Variants in FSIP1 observed in about 807,000 individuals in gnomAD.
The protein encoded by FSIP1 is fibrous sheath interacting protein 1.
In FSIP1, 65 loss-of-function variants were observed where a neutral mutation model predicts 60.9. The ratio of observed to expected loss-of-function variants is 1.07; its 90% CI spans 0.87 to 1.31. The LOEUF is 1.31. Among genes scored for constraint, FSIP1 ranks in the 40% most tolerant of loss-of-function variants. The pLI is 0.00. For synonymous variants in FSIP1, 209 were observed against 221.2 expected, an observed-to-expected ratio of 0.94 and a Z score of 0.49; for missense variants, 675 against 665.5, an observed-to-expected ratio of 1.01 and a Z score of -0.16.
chr15:39,746,108 T>TA (rs569934157), intron 5 of FSIP1, among the ~76,000 whole-genome samples: 2 of 151,774 alleles, frequency 1.3e-5, no homozygotes, highest in Admixed American at 6.6e-5. Context: ...AAATTAAAAA[T>TA]AAAAAAACAC....
At chr15:39,676,269 T>C (rs1252538121) in intron 10 of FSIP1, among the ~76,000 whole-genome samples, 1 of 152,046 alleles carries the variant, frequency 6.6e-6, no homozygotes, top group East Asian at 1.9e-4. Flanking sequence ...TGTATTATCC[T>C]GAAAAAGCAC....
intron 5 of FSIP1, among the ~76,000 whole-genome samples, chr15:39,754,247 C>T (rs962226257): frequency 2.6e-5 from 4 of 152,066 alleles, no homozygotes; most frequent in African/African-American, 9.7e-5. Flanking sequence ...GAAGCCGATT[C>T]TCCAACTCCA....
intron 11 of FSIP1, among the ~76,000 whole-genome samples, chr15:39,604,238 T>C (rs900502587): frequency 1.3e-5 from 2 of 152,236 alleles, no homozygotes; most frequent in African/African-American, 4.8e-5. Context: ...GCTGAGACTC[T>C]ACATTTCTAA....
chr15:39,703,605 C>T (rs1346100741), intron 10 of FSIP1, among the ~76,000 whole-genome samples: 1 of 152,090 alleles, frequency 6.6e-6, no homozygotes, highest in Non-Finnish European at 1.5e-5. Context: ...TCATCTCAAA[C>T]ATTAGGAGAA....
At chr15:39,704,745 C>T (rs1566893231) in intron 10 of FSIP1, among the ~76,000 whole-genome samples, 1 of 152,178 alleles carries the variant, frequency 6.6e-6, no homozygotes. Context: ...ATTCTCTAAG[C>T]AGAAGGAACA....
chr15:39,684,069 T>C (rs947426818), intron 10 of FSIP1, among the ~76,000 whole-genome samples: 1 of 152,208 alleles, frequency 6.6e-6, no homozygotes, highest in Non-Finnish European at 1.5e-5. Flanking sequence ...TGATTTTCTG[T>C]AGGTACAGAC....
intron 10 of FSIP1, among the ~76,000 whole-genome samples, chr15:39,685,448 A>G (rs1894327886): frequency 6.6e-6 from 1 of 152,194 alleles, no homozygotes; most frequent in South Asian, 2.1e-4. Flanking sequence ...CAACAAACAC[A>G]CATAGAAAGC....
At chr15:39,744,873 G>A (rs1376030253) in intron 5 of FSIP1, among the ~76,000 whole-genome samples, 1 of 151,614 alleles carries the variant, frequency 6.6e-6, no homozygotes, top group East Asian at 1.9e-4. Context: ...ATGCCCCTGT[G>A]AAGAAGACTG....
chr15:39,633,390 G>A (rs964748001), intron 10 of FSIP1, among the ~76,000 whole-genome samples: 9 of 151,964 alleles, frequency 5.9e-5, no homozygotes, highest in Admixed American at 5.9e-4. Context: ...ACTCGGCCTG[G>A]CTATACTTTT....
chr15:39,697,810 T>G (rs1894882089), intron 10 of FSIP1, among the ~76,000 whole-genome samples: 1 of 152,156 alleles, frequency 6.6e-6, no homozygotes, highest in Non-Finnish European at 1.5e-5. Context: ...TTATTTCAAT[T>G]TTCATTTCTT....
At chr15:39,671,947 C>T (rs4641712) in intron 10 of FSIP1, among the ~76,000 whole-genome samples, 1 of 152,150 alleles carries the variant, frequency 6.6e-6, no homozygotes, top group South Asian at 2.1e-4. Flanking sequence ...CCAAAGAGCA[C>T]AGAGAATCCA....
At chr15:39,724,540 C>T (rs915494585) in intron 9 of FSIP1, among the ~76,000 whole-genome samples, 2 of 152,212 alleles carry the variant, frequency 1.3e-5, no homozygotes, top group Non-Finnish European at 2.9e-5. Context: ...GCATAAGCCA[C>T]TGCGCCTGGC....
chr15:39,736,788 C>T (rs1461936411), intron 8 of FSIP1, among the ~76,000 whole-genome samples: 1 of 152,232 alleles, frequency 6.6e-6, no homozygotes, highest in East Asian at 1.9e-4. Flanking sequence ...CAGCCGAGGG[C>T]AAGGGCACAG....
At chr15:39,687,800 T>G (rs1237536984) in intron 10 of FSIP1, among the ~76,000 whole-genome samples, 2 of 152,212 alleles carry the variant, frequency 1.3e-5, no homozygotes, top group Non-Finnish European at 1.5e-5. Context: ...CTTCTCTAAC[T>G]GTGGAAAGAC....
intron 10 of FSIP1, among the ~76,000 whole-genome samples, chr15:39,673,212 T>A (rs191418384): frequency 6.6e-6 from 1 of 152,250 alleles, no homozygotes; most frequent in South Asian, 2.1e-4. Context: ...ATTCTCTTTT[T>A]ACTAACCTAG....
intron 5 of FSIP1, among the ~76,000 whole-genome samples, chr15:39,745,938 G>C (rs1896977772): frequency 6.6e-6 from 1 of 152,070 alleles, no homozygotes; most frequent in Non-Finnish European, 1.5e-5. Context: ...CATTAGCCGG[G>C]CATGGTGGCA....
intron 5 of FSIP1, among the ~76,000 whole-genome samples, chr15:39,761,358 G>A (rs1897491025): frequency 6.6e-6 from 1 of 152,162 alleles, no homozygotes; most frequent in South Asian, 2.1e-4. Flanking sequence ...AAGAAAATGT[G>A]TTGTATAGAC....
chr15:39,604,213 G>C (rs572607794), intron 11 of FSIP1, among the ~76,000 whole-genome samples: 1 of 152,348 alleles, frequency 6.6e-6, no homozygotes, highest in East Asian at 1.9e-4. Flanking sequence ...TTACAGGCGT[G>C]AGCCACAGTG....
chr15:39,732,317 A>G (rs1274787917), intron 8 of FSIP1, among the ~76,000 whole-genome samples: 2 of 152,170 alleles, frequency 1.3e-5, no homozygotes, highest in African/African-American at 2.4e-5. Flanking sequence ...AGAAGATTAC[A>G]TCCATAAAAT....
Sources: gnomAD v4.1 joint callset for allele counts (sites outside exome capture counted in the v4.1 genomes callset) on GRCh38, gnomAD v4.1.1 for gene constraint, MANE v1.5 for transcripts, NCBI Gene and HGNC (gene_info 2026-07-23, HGNC 2026-07-21) for gene names.